GAREM2: variants seen among roughly 807,000 people sequenced by gnomAD.
GAREM2 encodes the protein GRB2-associated and regulator of MAPK protein 2.
GAREM2 carries 30 observed loss-of-function variants against 55.6 expected under a neutral mutation model. The ratio of observed to expected loss-of-function variants is 0.54; its 90% CI spans 0.40 to 0.73. The LOEUF is 0.73. GAREM2 is among the 30% of genes least tolerant of loss of function. The probability of loss-of-function intolerance (pLI) is 0.00; values close to 1 mark genes in which losing one functional copy is unlikely to be tolerated. For synonymous variants in GAREM2, 550 were observed against 569.1 expected (o/e 0.97, Z 0.48); for missense variants, 1,075 against 1,257.7 (o/e 0.85, Z 2.20).
intron 2 of GAREM2, among the ~76,000 whole-genome samples, chr2:26,178,702 A>T (rs1282422177): frequency 2.0e-5 from 3 of 152,194 alleles, no homozygotes; most frequent in Non-Finnish European, 2.9e-5. Context: ...AAACTCTGGG[A>T]ACCCAAGGCA....
downstream of GAREM2, chr2:26,192,169 G>A (rs1244827087): frequency 1.9e-5 from 12 of 637,462 alleles, 1 homozygote; most frequent in African/African-American, 1.3e-4. Context: ...ACCATGGCAC[G>A]TGTATACCTA....
At chr2:26,194,463 G>A (rs1021886952), downstream of GAREM2, 5 of 783,204 alleles carry the variant, frequency 6.4e-6, no homozygotes, top group African/African-American at 6.7e-5. Flanking sequence ...GACAAGAGCA[G>A]GAGTTGGTGT....
At position 26,186,270 on chromosome 2, in the gene GAREM2, C is replaced by A. The variant is rs750870583; in HGVS notation, c.1510C>A (p.Pro504Thr). The A allele has an allele frequency of 6.4e-7, 1 of 1,550,454 alleles. No individual in the cohort carries two copies. The highest frequency in any genetic ancestry group is 1.2e-5 in the South Asian group (1 of 83,984). ...GNGSGRLSSS[P>T]PVPPRFPKLQ... ...TGGCAGCGGCCGGCTCTCCAGCAGC[C>A]CCCCGGTTCCCCCTCGCTTCCCCAA... The change falls in exon 5 of 6, where the codon CCC (proline) becomes ACC (threonine). Residue 504 changes from proline (P) to threonine (T), a missense_variant. Coordinates refer to ENST00000401533, the MANE Select transcript of GAREM2 (RefSeq NM_001168241.2).
At chr2:26,178,607 A>G (rs1668939288) in intron 2 of GAREM2, among the ~76,000 whole-genome samples, 1 of 152,204 alleles carries the variant, frequency 6.6e-6, no homozygotes, top group South Asian at 2.1e-4. Context: ...ATAAAAATTA[A>G]AAAGAAAAGA....
chr2:26,173,416 GGGTGCGGCAC>G, intron 1 of GAREM2, 84 bp downstream of exon 1: 6 of 745,406 alleles, frequency 8.0e-6, no homozygotes, highest in Non-Finnish European at 1.1e-5. Flanking sequence ...ATCGTGAGGA[GGGTGCGGCAC>G]CCGCACCCTC....
In GAREM2 at chr2:26,184,782, C is replaced by A; in HGVS notation, c.934C>A (p.Pro312Thr). The A allele has an allele frequency of 6.7e-7, 1 of 1,500,668 alleles. No individual in the cohort carries two copies. The highest frequency in any genetic ancestry group is 8.8e-7 in the Non-Finnish European group (1 of 1,131,524). The allele number at this position is 1,500,668 out of a possible 1,614,324, so 93.0% of individuals were successfully genotyped here. The part of the protein sequence containing the change: ...GLALRREGPA[P>T]LHFLLLTDTP... Reference sequence around the variant, plus strand: ...GGCGCTGCGCCGCGAGGGCCCGGCGCCGCTGCACTTCCTGCTGCTCACGGA... The same window carrying A: ...GGCGCTGCGCCGCGAGGGCCCGGCGACGCTGCACTTCCTGCTGCTCACGGA... Residue 312 changes from proline to threonine, a missense_variant, in exon 4 of 6, where the codon CCG becomes ACG. Around this residue, in one of 6 missense-constraint regions of GAREM2, gnomAD observed 170 missense variants for 220.7 expected, o/e 0.77. Transcript: ENST00000401533.
Position 26,187,670 on chromosome 2 carries a change from CCCT to C in GAREM2, c.2045_2047del (p.Ser682del). On this transcript the variant is annotated inframe_deletion, in exon 6 of 6. Transcript: ENST00000401533. ...AGGCCAGGCCTATTCAGCTGCTCCC[CCCT>C]CCTCCTGCGCCCCCTCCTCCTCCTC... 1.3e-6 allele frequency: 2 copies of C among 1,518,770 alleles called. No individual in the cohort carries two copies. The highest frequency in any genetic ancestry group is 1.8e-6 in the Non-Finnish European group (2 of 1,130,270). The allele number at this position is 1,518,770 out of a possible 1,614,324, so 94.1% of individuals were successfully genotyped here.
At chr2:26,191,933 G>A (rs1302459169), downstream of GAREM2, among the ~76,000 whole-genome samples, 1 of 152,226 alleles carries the variant, frequency 6.6e-6, no homozygotes, top group Non-Finnish European at 1.5e-5. Flanking sequence ...ATCTGGGAGG[G>A]TGAAGGGGCC....
chr2:26,191,346 C>T, downstream of GAREM2: 2 of 1,614,150 alleles, frequency 1.2e-6, no homozygotes, highest in Non-Finnish European at 1.7e-6. Context: ...ATTTCTTGAG[C>T]CGGTCCACTA....
chr2:26,192,919 C>T (rs149846556), downstream of GAREM2, among the ~76,000 whole-genome samples: 420 of 152,228 alleles, frequency 2.8e-3, 2 homozygotes, highest in African/African-American at 9.8e-3. Context: ...GGAGCTTGGG[C>T]ATCTGTGTAC....
At position 26,173,336 on chromosome 2, in the gene GAREM2, C is replaced by G. The variant is rs1174567222; in HGVS notation, c.112+4C>G. On this transcript the variant is annotated splice_donor_region_variant and intron_variant, in intron 1 of 5. Coordinates refer to ENST00000401533, the MANE Select transcript of GAREM2 (RefSeq NM_001168241.2). ...ACGCTCGCCTGCCTTGGGCCAGGTA[C>G]CGGGGTCGCTGGAGATGGGGACCGG... 1 of 1,374,272 alleles carries G rather than the reference C, an allele frequency of 7.3e-7. No homozygotes were observed. The highest frequency in any genetic ancestry group is 9.5e-7 in the Non-Finnish European group (1 of 1,056,776). 85.1% of individuals were successfully genotyped at this position (1,374,272 alleles called of 1,614,324 possible).
chr2:26,175,104 C>T (rs756488745), intron 1 of GAREM2, among the ~76,000 whole-genome samples: 5 of 152,192 alleles, frequency 3.3e-5, no homozygotes, highest in South Asian at 2.1e-4. Flanking sequence ...TACACACACA[C>T]GCCTACCCCA....
chr2:26,173,725 C>A (rs1179748614), intron 1 of GAREM2, among the ~76,000 whole-genome samples: 1 of 152,036 alleles, frequency 6.6e-6, no homozygotes, highest in African/African-American at 2.4e-5. Context: ...TTCCCTCATC[C>A]CTGGGACCCG....
chr2:26,187,564 G>A lies in GAREM2; in HGVS notation c.1932G>A (p.Ala644=), dbSNP rs573445637. The change falls in exon 6 of 6, where the codon GCG becomes GCA. Residue 644 remains alanine, a synonymous_variant. Coordinates refer to ENST00000401533, the MANE Select transcript of GAREM2 (RefSeq NM_001168241.2). ...SGPAYPSGPS[A]ALSSGPRTTS... is the part of the protein sequence containing the mutation. ...CTGCCTACCCCTCAGGCCCTTCAGC[G>A]GCCTTGTCTTCTGGGCCCAGAACCA... 44 of 1,544,716 alleles carry A rather than the reference G, an allele frequency of 2.8e-5. No individual in the cohort carries two copies. The highest frequency in any genetic ancestry group is 7.4e-5 in the East Asian group (3 of 40,808).
downstream of GAREM2, chr2:26,194,638 C>T: frequency 6.2e-7 from 1 of 1,605,138 alleles, no homozygotes; most frequent in Non-Finnish European, 8.5e-7. Flanking sequence ...CCAGGTCCAT[C>T]CTGCCAAGGA....
rs750870583 is a variant in GAREM2, at chr2:26,186,270, C to T, written c.1510C>T (p.Pro504Ser). The T allele has an allele frequency of 4.7e-5, 73 of 1,550,572 alleles. No individual in the cohort carries two copies. In the Admixed American group the frequency reaches 7.5e-4, roughly 16 times the overall value. Residue 504 changes from proline to serine, a missense_variant, in exon 5 of 6, where the codon CCC (proline) becomes TCC (serine). This residue lies in a region of GAREM2 where 515 missense variants were observed against 501.5 expected (regional missense o/e 1.03). Coordinates refer to ENST00000401533, the MANE Select transcript of GAREM2 (RefSeq NM_001168241.2). ...TGGCAGCGGCCGGCTCTCCAGCAGC[C>T]CCCCGGTTCCCCCTCGCTTCCCCAA... ...GNGSGRLSSSPPVPPRFPKLQ... is the reference protein window; with the variant it reads ...GNGSGRLSSSSPVPPRFPKLQ...
At position 26,184,465 on chromosome 2, in the gene GAREM2, C is replaced by A. The variant is rs1669155041; in HGVS notation, c.617C>A (p.Ala206Asp). The A allele has an allele frequency of 2.0e-6, 3 of 1,504,888 alleles. No individual in the cohort carries two copies. Among genetic ancestry groups the A allele is most frequent in the Non-Finnish European group, 2.7e-6 (3 of 1,126,814 alleles). 93.2% of individuals were successfully genotyped at this position (1,504,888 alleles called of 1,614,324 possible). A position where few individuals can be genotyped will look rare whatever the true frequency, so the allele number is the denominator to read the frequency against. ...GAAGGTGGGG[A>D]RPVKGKMPCL... ...GCGGGAGGCACTGGCGGCGGGGGCG[C>A]CAGGCCGGTCAAAGGCAAGATGCCC... The change falls in exon 4 of 6, where the codon GCC (alanine) becomes GAC (aspartate). Residue 206 changes from alanine (A) to aspartate (D), a missense_variant. By Grantham distance (126) the Ala-to-Asp change is moderately radical (BLOSUM62 -2). Transcript: ENST00000401533.
chr2:26,173,161 C>G lies in GAREM2; in HGVS notation c.-60C>G. ...GGGAGGTGGCGGCGGGCGCGAGAGCCTGGGCCGCGCGGGACTGACCGTCGG... is the reference window on the plus strand; with the variant it reads ...GGGAGGTGGCGGCGGGCGCGAGAGCGTGGGCCGCGCGGGACTGACCGTCGG... On this transcript the variant is annotated 5_prime_UTR_variant, in exon 1 of 6. Coordinates refer to ENST00000401533, the MANE Select transcript of GAREM2 (RefSeq NM_001168241.2). 1 of 586,872 alleles carries G rather than the reference C, an allele frequency of 1.7e-6. No individual in the cohort carries two copies. The highest frequency in any genetic ancestry group is 2.3e-6 in the Non-Finnish European group (1 of 440,854). 36.4% of individuals were successfully genotyped at this position (586,872 alleles called of 1,614,324 possible).
chr2:26,182,462 G>A (rs769622129), intron 2 of GAREM2: 5 of 1,550,422 alleles, frequency 3.2e-6, no homozygotes, highest in African/African-American at 2.7e-5. Context: ...CGGATCAGCA[G>A]CCCAGGGCGA....
Sources: gnomAD v4.1 joint callset for allele counts (sites outside exome capture counted in the v4.1 genomes callset) on GRCh38, gnomAD v4.1.1 for gene constraint, gnomAD v4.1.1 regional missense constraint, MANE v1.5 for transcripts, NCBI Gene and HGNC (gene_info 2026-07-23, HGNC 2026-07-21) for gene names.